ADARB2: variants seen among roughly 807,000 people sequenced by gnomAD.
ADARB2 encodes the protein inactive double-stranded RNA-specific editase B2.
ADARB2 carries 25 observed loss-of-function variants against 62.2 expected under a neutral mutation model. The observed-to-expected ratio is 0.40, with a 90% CI of 0.29 to 0.56. The LOEUF is 0.56. ADARB2 is among the 20% of genes least tolerant of loss of function. The pLI is 0.43. For missense variants in ADARB2, 1,071 were observed against 1,077.4 expected (o/e 0.99, Z 0.08); for synonymous variants, 572 against 500.8 (o/e 1.14, Z -1.90).
intron 1 of ADARB2, among the ~76,000 whole-genome samples, chr10:1,707,553 G>T (rs547785196): frequency 3.4e-4 from 52 of 152,332 alleles, no homozygotes; most frequent in South Asian, 8.3e-4. Context: ...GATGGTGTTT[G>T]AAAATCGATC....
rs995123302 is a variant in ADARB2, at chr10:1,426,913, C to G, written c.101-47753G>C. ...GAACCTAAAGCAGTTGTGAAAGAGC[C>G]GGAGGACCCCTGTCCCCAAACCCTG... On this transcript the variant is annotated intron_variant, in intron 1 of 9. Coordinates refer to ENST00000381312, the MANE Select transcript of ADARB2 (RefSeq NM_018702.4). This position sits in a 1 kb window ranked among gnomAD's most constrained non-coding sequence, Gnocchi z 4.1. Among the ~76,000 whole-genome samples the G allele has an allele frequency of 6.6e-6, 1 of 152,226 alleles. No individual in the cohort carries two copies. Among genetic ancestry groups the G allele is most frequent in the Admixed American group, 6.5e-5 (1 of 15,284 alleles).
At chr10:1,216,790 AC>A (rs1201371809) in intron 7 of ADARB2, 160 bp downstream of exon 7, 9 of 978,184 alleles carry the variant, frequency 9.2e-6, no homozygotes, top group Non-Finnish European at 1.0e-5. Flanking sequence ...GTGGGACTGA[AC>A]ATGTGGAATG....
intron 1 of ADARB2, among the ~76,000 whole-genome samples, chr10:1,539,876 C>T (rs898912938): frequency 1.3e-5 from 2 of 152,158 alleles, no homozygotes; most frequent in African/African-American, 4.8e-5. Context: ...TGACACTCTG[C>T]AAAGAGGTAT....
At chr10:1,508,908 G>A (rs763549479) in intron 1 of ADARB2, among the ~76,000 whole-genome samples, 9 of 152,298 alleles carry the variant, frequency 5.9e-5, no homozygotes, top group East Asian at 1.9e-4. Context: ...CAGGCTCTGC[G>A]GAGGCCTTTC....
chr10:1,192,635 T>C (rs1390594241), intron 8 of ADARB2, among the ~76,000 whole-genome samples: 1 of 152,248 alleles, frequency 6.6e-6, no homozygotes, highest in East Asian at 1.9e-4. Context: ...TGGTTCTTTC[T>C]GCTGTGAGAT....
At chr10:1,725,041 G>A (rs1003186284) in intron 1 of ADARB2, among the ~76,000 whole-genome samples, 3 of 152,146 alleles carry the variant, frequency 2.0e-5, no homozygotes, top group Admixed American at 6.6e-5. Context: ...AGGGCCAAAC[G>A]GACAATCAGT....
chr10:1,317,443 G>A (rs1323556392), intron 3 of ADARB2, among the ~76,000 whole-genome samples: 1 of 152,162 alleles, frequency 6.6e-6, no homozygotes, highest in Non-Finnish European at 1.5e-5. Context: ...AACACTGAGG[G>A]TTTCACATAA....
At chr10:1,465,701 C>T (rs932936868) in intron 1 of ADARB2, among the ~76,000 whole-genome samples, 1 of 152,184 alleles carries the variant, frequency 6.6e-6, no homozygotes, top group Non-Finnish European at 1.5e-5. Flanking sequence ...TAATGAGGCA[C>T]GTGATGTATG....
chr10:1,658,137 T>C (rs1229846048), intron 1 of ADARB2, among the ~76,000 whole-genome samples: 3 of 151,006 alleles, frequency 2.0e-5, no homozygotes, highest in Middle Eastern at 3.4e-3. Flanking sequence ...GCTGTCTCTC[T>C]CTCTCTCTGT....
intron 1 of ADARB2, among the ~76,000 whole-genome samples, chr10:1,386,061 G>A (rs1832522464): frequency 6.6e-6 from 1 of 151,988 alleles, no homozygotes. Flanking sequence ...TTGGGATGGG[G>A]TAAATATAAT....
At chr10:1,608,434 T>G (rs902786209) in intron 1 of ADARB2, among the ~76,000 whole-genome samples, 1 of 150,124 alleles carries the variant, frequency 6.7e-6, no homozygotes, top group African/African-American at 2.5e-5. Context: ...CGGGGACCAT[T>G]GACAGACGGG....
chr10:1,218,232 G>A (rs931256672), intron 6 of ADARB2, among the ~76,000 whole-genome samples: 1 of 151,982 alleles, frequency 6.6e-6, no homozygotes, highest in African/African-American at 2.4e-5. Context: ...TGTATTTTCA[G>A]TAGAGATGGG....
chr10:1,268,384 CTGTGATTA>C (rs764317222), intron 4 of ADARB2, among the ~76,000 whole-genome samples: 4 of 152,086 alleles, frequency 2.6e-5, no homozygotes, highest in Non-Finnish European at 4.4e-5. Flanking sequence ...GTATATATTT[CTGTGATTA>C]TATTTCTCAT....
chr10:1,495,762 T>C (rs890214276), intron 1 of ADARB2, among the ~76,000 whole-genome samples: 22 of 147,244 alleles, frequency 1.5e-4, no homozygotes, highest in Non-Finnish European at 2.3e-4. Context: ...ATCATCATTA[T>C]CATTGTTATC....
At chr10:1,265,167 T>C (rs1379629280) in intron 4 of ADARB2, among the ~76,000 whole-genome samples, 3 of 152,272 alleles carry the variant, frequency 2.0e-5, no homozygotes, top group Admixed American at 2.0e-4. Context: ...ACTTGGCCTC[T>C]TCATCTTCGT....
chr10:1,199,865 C>A, intron 8 of ADARB2, 101 bp downstream of exon 8: 1 of 1,277,210 alleles, frequency 7.8e-7, no homozygotes, highest in Non-Finnish European at 1.0e-6. Context: ...TGCCACTAGC[C>A]AACATGGATG....
Position 1,365,318 on chromosome 10 carries a change from T to C in ADARB2, c.188-1401A>G, listed in dbSNP as rs576264922. On this transcript the variant is annotated intron_variant, in intron 2 of 9. Transcript: ENST00000381312. ...CACTTAAGACGGCAAACTTAGGAAC[T>C]GTTGTGAGTGTTCCCACCGCTCCAC... Among the ~76,000 whole-genome samples the C allele has an allele frequency of 4.3e-4, 65 of 152,274 alleles. No individual in the cohort carries two copies. In the South Asian group the frequency reaches 0.011, roughly 26 times the overall value.
intron 4 of ADARB2, among the ~76,000 whole-genome samples, chr10:1,260,708 G>C (rs1457920921): frequency 6.8e-6 from 1 of 148,062 alleles, no homozygotes; most frequent in Non-Finnish European, 1.5e-5. Flanking sequence ...AATCAATATT[G>C]TGAAAATGGC....
At chr10:1,598,697 C>T (rs1031980469) in intron 1 of ADARB2, among the ~76,000 whole-genome samples, 3 of 152,200 alleles carry the variant, frequency 2.0e-5, no homozygotes, top group Admixed American at 2.0e-4. Flanking sequence ...CAGAAGGCCC[C>T]AGGAGAGCTG....
Sources: gnomAD v4.1 joint callset for allele counts (sites outside exome capture counted in the v4.1 genomes callset) on GRCh38, gnomAD v4.1.1 for gene constraint, Gnocchi (gnomAD v3.1) non-coding constraint, MANE v1.5 for transcripts, NCBI Gene and HGNC (gene_info 2026-07-23, HGNC 2026-07-21) for gene names.